Variants in HIVEP2 observed in about 807,000 individuals in gnomAD.
HIVEP2 encodes the protein transcription factor HIVEP2.
HIVEP2 carries 14 observed loss-of-function variants against 180.7 expected under a neutral mutation model. The observed-to-expected ratio is 0.08, with a 90% CI of 0.05 to 0.12. The LOEUF is 0.12. Among genes scored for constraint, HIVEP2 ranks in the 10% least tolerant of loss-of-function variants. HIVEP2 has a pLI of 1.00. For synonymous variants in HIVEP2, 1,184 were observed against 1,136.4 expected, an observed-to-expected ratio of 1.04 and a Z score of -0.84; for missense variants, 2,579 against 3,008.5, an observed-to-expected ratio of 0.86 and a Z score of 3.34.
At chr6:142,758,594 G>A (rs138070225) in intron 9 of HIVEP2, among the ~76,000 whole-genome samples, 1 of 152,294 alleles carries the variant, frequency 6.6e-6, no homozygotes, top group East Asian at 1.9e-4. Context: ...AAGGTATCAT[G>A]CCTCTGTCTA....
intron 1 of HIVEP2, among the ~76,000 whole-genome samples, chr6:142,863,227 A>T (rs1776051718): frequency 6.6e-6 from 1 of 151,094 alleles, no homozygotes; most frequent in Admixed American, 6.6e-5. Flanking sequence ...GTACACCACA[A>T]AATTTAATAT....
intron 2 of HIVEP2, among the ~76,000 whole-genome samples, chr6:142,812,146 CACAGGGTGAAAT>C (rs1368791924): frequency 6.6e-6 from 1 of 152,138 alleles, no homozygotes; most frequent in African/African-American, 2.4e-5. Context: ...GGTTAAAGGT[CACAGGGTGAAAT>C]ACCAGGGAGG....
intron 1 of HIVEP2, among the ~76,000 whole-genome samples, chr6:142,900,678 T>C (rs1304481951): frequency 6.6e-6 from 1 of 152,200 alleles, no homozygotes; most frequent in South Asian, 2.1e-4. Context: ...TTGCCTCTTC[T>C]GGCTTCCTTT....
intron 1 of HIVEP2, among the ~76,000 whole-genome samples, chr6:142,862,635 T>C (rs1246152865): frequency 6.9e-6 from 1 of 144,746 alleles, no homozygotes; most frequent in African/African-American, 2.5e-5. Flanking sequence ...ATATATTTTA[T>C]GAAATGTAAT....
At chr6:142,759,280 G>A (rs1388807665) in intron 9 of HIVEP2, among the ~76,000 whole-genome samples, 2 of 151,986 alleles carry the variant, frequency 1.3e-5, no homozygotes, top group African/African-American at 2.4e-5. Context: ...TCCAGCCTGG[G>A]TGAAAGAGTG....
At chr6:142,792,653 C>A (rs1582864151) in intron 2 of HIVEP2, among the ~76,000 whole-genome samples, 1 of 152,118 alleles carries the variant, frequency 6.6e-6, no homozygotes, top group African/African-American at 2.4e-5. Flanking sequence ...GCGCAGCAAA[C>A]AACCATGGCA....
Position 142,945,005 on chromosome 6 carries a change from T to C in HIVEP2, c.-641+94A>G, listed in dbSNP as rs1020826689. The C allele has an allele frequency of 3.4e-5, 5 of 148,976 alleles. No individual in the cohort carries two copies. Among genetic ancestry groups the C allele is most frequent in the Non-Finnish European group, 7.5e-5 (5 of 66,994 alleles). The allele number at this position is 148,976 out of a possible 1,614,324, so 9.2% of individuals were successfully genotyped here. A position where few individuals can be genotyped will look rare whatever the true frequency, so the allele number is the denominator to read the frequency against. ...AAATGCCCAGAGCCAGCGCCTTCGC[T>C]GCGCTCGCTCGGCCGCAGGCCGGCG... On this transcript the variant is annotated intron_variant, in intron 1 of 9. Transcript: ENST00000367603. This position sits in a 1 kb window ranked among gnomAD's most constrained non-coding sequence, Gnocchi z 5.5.
At chr6:142,875,217 G>A (rs1358792303) in intron 1 of HIVEP2, among the ~76,000 whole-genome samples, 1 of 152,140 alleles carries the variant, frequency 6.6e-6, no homozygotes, top group African/African-American at 2.4e-5. Flanking sequence ...CAGGGGATAT[G>A]CAGGTAAAAA....
intron 1 of HIVEP2, among the ~76,000 whole-genome samples, chr6:142,851,266 C>T (rs963422749): frequency 6.6e-6 from 1 of 152,178 alleles, no homozygotes; most frequent in Non-Finnish European, 1.5e-5. Flanking sequence ...TGGTAAGACT[C>T]AGGGTTGAGG....
chr6:142,759,729 T>A (rs1396018687), intron 9 of HIVEP2, 43 bp downstream of exon 9: 1 of 1,489,510 alleles, frequency 6.7e-7, no homozygotes, highest in South Asian at 1.3e-5. Context: ...AGGACCAATG[T>A]GCTTCCACTT....
intron 2 of HIVEP2, among the ~76,000 whole-genome samples, chr6:142,805,871 C>A (rs1374007859): frequency 1.3e-5 from 2 of 152,204 alleles, no homozygotes; most frequent in African/African-American, 2.4e-5. Flanking sequence ...TGAGCATATA[C>A]CAAGTGTCAG....
At chr6:142,803,415 T>C (rs1776463057) in intron 2 of HIVEP2, among the ~76,000 whole-genome samples, 1 of 152,110 alleles carries the variant, frequency 6.6e-6, no homozygotes. Context: ...AGGCATATAA[T>C]TAGTTGAAGA....
intron 1 of HIVEP2, among the ~76,000 whole-genome samples, chr6:142,846,913 G>T (rs931357099): frequency 6.6e-6 from 1 of 152,176 alleles, no homozygotes; most frequent in African/African-American, 2.4e-5. Context: ...TGAAGGCTAC[G>T]CAGGTAAAGC....
chr6:142,894,431 T>C (rs1776934179), intron 1 of HIVEP2, among the ~76,000 whole-genome samples: 1 of 152,236 alleles, frequency 6.6e-6, no homozygotes, highest in Non-Finnish European at 1.5e-5. Context: ...AGGGGCCATA[T>C]CTTACTCATC....
In HIVEP2 at chr6:142,883,160, G is replaced by A. The variant is rs181615538; in HGVS notation, c.-640-46113C>T. On this transcript the variant is annotated intron_variant, in intron 1 of 9. Transcript: ENST00000367603. ...GATATCACACCTTTGGAATTTCACA[G>A]TCCTGAAGATTACAAAAAGCTCTGC... 1.8e-4 allele frequency among the ~76,000 whole-genome samples: 27 copies of A among 151,976 alleles called. No homozygotes were observed. In the East Asian group the frequency reaches 5.0e-3, roughly 28 times the overall value.
chr6:142,856,610 A>T (rs550728486), intron 1 of HIVEP2, among the ~76,000 whole-genome samples: 93 of 152,352 alleles, frequency 6.1e-4, no homozygotes, highest in African/African-American at 2.2e-3. Context: ...TGAGTAATTT[A>T]CTTATTAAAG....
Position 142,807,559 on chromosome 6 carries a change from C to T in HIVEP2, c.-527-23944G>A, listed in dbSNP as rs117006028. 3.0e-4 allele frequency among the ~76,000 whole-genome samples: 46 copies of T among 152,156 alleles called. No homozygotes were observed. The East Asian group carries it at 7.9e-3, about 26-fold the overall frequency. ...TTTCATATAAATGGCTGGATACCCA[C>T]GTTCTCATAAAAAGCACCCCAAACG... On this transcript the variant is annotated intron_variant, in intron 2 of 9. Coordinates refer to ENST00000367603, the MANE Select transcript of HIVEP2 (RefSeq NM_006734.4).
chr6:142,830,235 G>A (rs1775041086), intron 2 of HIVEP2, among the ~76,000 whole-genome samples: 1 of 151,950 alleles, frequency 6.6e-6, no homozygotes, highest in South Asian at 2.1e-4. Context: ...CCCCGAACTA[G>A]ACTGCCTCAA....
At chr6:142,884,456 G>T (rs190499628) in intron 1 of HIVEP2, among the ~76,000 whole-genome samples, 161 of 151,862 alleles carry the variant, frequency 1.1e-3, no homozygotes, top group Middle Eastern at 6.8e-3. Context: ...TTGCCTAATT[G>T]TCATTTAAAA....
Sources: allele counts gnomAD v4.1 joint callset (sites outside exome capture counted in the v4.1 genomes callset), GRCh38; gene constraint gnomAD v4.1.1; non-coding constraint Gnocchi (gnomAD v3.1); transcripts MANE v1.5; gene names NCBI Gene and HGNC (gene_info 2026-07-23, HGNC 2026-07-21).